The following SFI1 variants were observed in gnomAD, a reference collection of about 807,000 sequenced individuals.
SFI1 encodes the protein protein SFI1 homolog.
SFI1 carries 195 observed loss-of-function variants against 207.5 expected under a neutral mutation model. The observed-to-expected ratio is 0.94, with a 90% CI of 0.84 to 1.06. The LOEUF is 1.06. Among genes scored for constraint, SFI1 ranks in the 50% least tolerant of loss-of-function variants. SFI1 has a pLI of 0.00. For missense variants in SFI1, 1,634 were observed against 1,588.0 expected (o/e 1.03, Z -0.49); for synonymous variants, 630 against 598.9 (o/e 1.05, Z -0.76).
chr22:31,500,334 A>C (rs1453085294), intron 1 of SFI1, among the ~76,000 whole-genome samples: 1 of 152,026 alleles, frequency 6.6e-6, no homozygotes, highest in Admixed American at 6.6e-5. Flanking sequence ...AACCTTCAGC[A>C]ATCACTACCC....
intron 8 of SFI1, among the ~76,000 whole-genome samples, chr22:31,563,503 G>A (rs1477162861): frequency 6.6e-6 from 1 of 152,154 alleles, no homozygotes; most frequent in Non-Finnish European, 1.5e-5. Context: ...CTTTCTAAGA[G>A]CCACTTTGAG....
rs994485428 is a variant in SFI1 at position 31,496,591 on chromosome 22, C to T, written c.-77C>T. 1.3e-5 allele frequency: 2 copies of T among 152,302 alleles called. No homozygotes were observed. The highest frequency in any genetic ancestry group is 4.8e-5 in the African/African-American group (2 of 41,472). 9.4% of individuals were successfully genotyped at this position (152,302 alleles called of 1,614,324 possible). ...AAGCAGGTCCCGGATCGCCGTATAC[C>T]GCCGGGTTTTCTCCCAACGTCAGGC... On this transcript the variant is annotated 5_prime_UTR_variant, in exon 1 of 33. Transcript: ENST00000400288.
chr22:31,530,692 A>G lies in SFI1; in HGVS notation c.267-366A>G. ...GGGGTTTGAACAGAGTGCTGAGAGT[A>G]CACAGCTACTCACTCTGTTTACATT... is the stretch of plus-strand genomic sequence containing the variant. On this transcript the variant is annotated intron_variant, in intron 3 of 32. Transcript: ENST00000400288. 8.7e-6 allele frequency: 4 copies of G among 461,280 alleles called. 1 individual carries two copies. Among genetic ancestry groups the G allele is most frequent in the South Asian group, 4.8e-5 (3 of 62,486 alleles). 28.6% of individuals were successfully genotyped at this position (461,280 alleles called of 1,614,324 possible).
In SFI1 at chr22:31,613,391, GGAGAAAGAAGGCGCGGCT is replaced by G. The variant is rs1331461965; in HGVS notation, c.2605_2622del (p.Arg869_Leu874del). On this transcript the variant is annotated inframe_deletion, in exon 26 of 33. Transcript: ENST00000400288. ...TGGCTGGCCTTTGTACTGGAAAGGA[GGAGAAAGAAGGCGCGGCT>G]GCAGTGGGCGCTCCAGGCCTACCAG... is the stretch of plus-strand genomic sequence containing the variant. The G allele has an allele frequency of 4.3e-6, 7 of 1,611,718 alleles. No homozygotes were observed. The highest frequency in any genetic ancestry group is 5.1e-6 in the Non-Finnish European group (6 of 1,179,694).
intron 3 of SFI1, among the ~76,000 whole-genome samples, chr22:31,529,514 ACT>A (rs939419596): frequency 5.3e-5 from 8 of 152,076 alleles, no homozygotes; most frequent in African/African-American, 2.4e-5. Context: ...CGAGAGTGAG[ACT>A]CTGTCTCAGA....
chr22:31,603,632 T>C (rs2068484481), intron 17 of SFI1, 112 bp from the exon 18 acceptor site: 2 of 836,814 alleles, frequency 2.4e-6, no homozygotes, highest in South Asian at 3.0e-5. Context: ...GAGAGGGTCT[T>C]GGCTCCCCCA....
At chr22:31,584,670 A>G (rs560779191) in intron 13 of SFI1, among the ~76,000 whole-genome samples, 3 of 152,322 alleles carry the variant, frequency 2.0e-5, no homozygotes, top group African/African-American at 7.2e-5. Context: ...TGACTCATTT[A>G]GAGTTATCAA....
Position 31,590,696 on chromosome 22 carries a change from G to A in SFI1, c.1544+1119G>A, listed in dbSNP as rs915493395. 2.6e-5 allele frequency among the ~76,000 whole-genome samples: 4 copies of A among 151,766 alleles called. No individual in the cohort carries two copies. The South Asian group carries it at 8.3e-4, about 31-fold the overall frequency. On this transcript the variant is annotated intron_variant, in intron 15 of 32. Coordinates refer to ENST00000400288, the MANE Select transcript of SFI1 (RefSeq NM_001007467.3). ...ATTTTTTGTGTTTTTAGTAGAGACG[G>A]GGCTTTCACCATGTCAGCAAGGTCT...
intron 21 of SFI1, 104 bp downstream of exon 21, chr22:31,606,534 G>C (rs898357321): frequency 2.4e-6 from 2 of 842,396 alleles, no homozygotes; most frequent in Non-Finnish European, 3.8e-6. Context: ...ACTGAATAAG[G>C]AACCTAGAAA....
At chr22:31,497,026 G>A (rs2052784802) in intron 1 of SFI1, among the ~76,000 whole-genome samples, 1 of 152,226 alleles carries the variant, frequency 6.6e-6, no homozygotes, top group South Asian at 2.1e-4. Context: ...TGGCCCAGGA[G>A]CGGAAGGGCT....
At chr22:31,597,930 G>A (rs539897073) in intron 15 of SFI1, among the ~76,000 whole-genome samples, 1 of 151,364 alleles carries the variant, frequency 6.6e-6, no homozygotes, top group South Asian at 2.1e-4. Flanking sequence ...GATAAAATGT[G>A]TATACAGTGA....
rs2063938468 is a variant in SFI1 at position 31,580,151 on chromosome 22, A to G, written c.1156-121A>G. ...ACACTCAGGGAGATGGAACAGCTACAAGAAGCTGTGACCAAGCTTCTCCCC... is the reference window on the plus strand; with the variant it reads ...ACACTCAGGGAGATGGAACAGCTACGAGAAGCTGTGACCAAGCTTCTCCCC... On this transcript the variant is annotated intron_variant, in intron 11 of 32. Transcript: ENST00000400288. 8.7e-6 allele frequency: 6 copies of G among 688,306 alleles called. No homozygotes were observed. In the African/African-American group the frequency reaches 9.0e-5, roughly 10 times the overall value. 42.6% of individuals were successfully genotyped at this position (688,306 alleles called of 1,614,324 possible). A position where few individuals can be genotyped will look rare whatever the true frequency, so the allele number is the denominator to read the frequency against.
At chr22:31,513,561 C>CGTTTTGTTTTGTTTT (rs140696308) in intron 2 of SFI1, among the ~76,000 whole-genome samples, 68,959 of 145,802 alleles carry the variant, frequency 0.47, 17,212 homozygotes, top group African/African-American at 0.57. Flanking sequence ...TTTGGTTTTT[C>CGTTTTGTTTTGTTTT]GTTTTGTTTT....
intron 4 of SFI1, among the ~76,000 whole-genome samples, chr22:31,543,677 G>A (rs1184623146): frequency 6.6e-6 from 1 of 151,956 alleles, no homozygotes; most frequent in Non-Finnish European, 1.5e-5. Flanking sequence ...GGGCATGGTG[G>A]CACACGCCTG....
At chr22:31,611,022 G>T in intron 22 of SFI1, 121 bp from the exon 23 acceptor site, 1 of 1,326,330 alleles carries the variant, frequency 7.5e-7, no homozygotes, top group Admixed American at 1.8e-5. Flanking sequence ...GTTTCACCAT[G>T]TGGGCTGGAC....
intron 2 of SFI1, among the ~76,000 whole-genome samples, chr22:31,525,596 A>G (rs1351939672): frequency 6.6e-6 from 1 of 152,128 alleles, no homozygotes; most frequent in Non-Finnish European, 1.5e-5. Flanking sequence ...ATGTACTTGT[A>G]GTTGCAGCTC....
intron 1 of SFI1, among the ~76,000 whole-genome samples, chr22:31,501,213 C>T (rs2053712262): frequency 6.6e-6 from 1 of 151,388 alleles, no homozygotes; most frequent in East Asian, 1.9e-4. Context: ...GCTCTGTTGC[C>T]CAGGCTGGAG....
At chr22:31,612,392 A>ATATATATATATATAT (rs1421688039) in intron 24 of SFI1, 1 of 107,418 alleles carries the variant, frequency 9.3e-6, no homozygotes, top group African/African-American at 3.8e-5. Context: ...AAAAAAAAAA[A>ATATATATATATATAT]AAAAAAATAT....
intron 15 of SFI1, among the ~76,000 whole-genome samples, chr22:31,595,005 ATTTATTTTTG>A (rs1230949092): frequency 6.6e-6 from 1 of 151,702 alleles, no homozygotes; most frequent in Non-Finnish European, 1.5e-5. Context: ...TTATTTATTT[ATTTATTTTTG>A]AGTTGGAGTC....
Sources: gnomAD v4.1 joint callset for allele counts (sites outside exome capture counted in the v4.1 genomes callset) on GRCh38, gnomAD v4.1.1 for gene constraint, MANE v1.5 for transcripts, NCBI Gene and HGNC (gene_info 2026-07-23, HGNC 2026-07-21) for gene names.